Variants in PDE8B observed in about 807,000 individuals in gnomAD.
The protein encoded by PDE8B is phosphodiesterase 8B, also known as high affinity cAMP-specific and IBMX-insensitive 3',5'-cyclic phosphodiesterase 8B.
A neutral mutation model predicts 101.3 loss-of-function variants in PDE8B; 26 were observed. That is an observed-to-expected ratio of 0.26 (90% CI 0.19 to 0.36). The LOEUF (loss-of-function observed/expected upper bound fraction) is 0.36, where lower values mean the gene tolerates loss of function less well. PDE8B is among the 10% of genes least tolerant of loss of function. The pLI, the probability that PDE8B is intolerant of heterozygous loss-of-function variation, is 1.00. For missense variants in PDE8B, 810 were observed against 1,163.1 expected (o/e 0.70, Z 4.42); for synonymous variants, 424 against 429.3 (o/e 0.99, Z 0.15).
intron 6 of PDE8B, among the ~76,000 whole-genome samples, chr5:77,343,505 A>G (rs1339900637): frequency 2.0e-5 from 3 of 152,212 alleles, no homozygotes; most frequent in Non-Finnish European, 4.4e-5. Flanking sequence ...GTATAAAAAG[A>G]GTTAAAATGG....
intron 10 of PDE8B, among the ~76,000 whole-genome samples, chr5:77,378,046 A>ACACACCCACCCC: frequency 1.0e-5 from 1 of 99,566 alleles, no homozygotes; most frequent in East Asian, 2.4e-4. Context: ...ACACACACAC[A>ACACACCCACCCC]CACCCCCTGT....
At chr5:77,230,119 A>G (rs938612099) in intron 1 of PDE8B, among the ~76,000 whole-genome samples, 24 of 152,154 alleles carry the variant, frequency 1.6e-4, no homozygotes, top group African/African-American at 5.8e-4. Context: ...CTTTTTTATT[A>G]TAACCATTCT....
rs375768747 is a variant in PDE8B, at chr5:77,337,314, C to T, written c.796C>T (p.Arg266Trp). The change falls in exon 6 of 22, where the codon CGG becomes TGG. Residue 266 changes from arginine to tryptophan, a missense_variant and splice_region_variant. Physicochemically the swap from Arg to Trp is moderately radical, Grantham distance 101. Transcript: ENST00000264917. ...GGAAGTTCGCTCCCAGTTCAAATTA[C>T]GGTATGTAGCAAAATGATACAGTAA... is the stretch of plus-strand genomic sequence containing the variant. ...HGEVRSQFKL[R>W]ACNSVFTALD... The T allele has an allele frequency of 5.9e-5, 88 of 1,480,750 alleles. No homozygotes were observed. Among genetic ancestry groups the T allele is most frequent in the Non-Finnish European group, 8.2e-5 (87 of 1,061,396 alleles). 91.7% of individuals were successfully genotyped at this position (1,480,750 alleles called of 1,614,324 possible). A position where few individuals can be genotyped will look rare whatever the true frequency, so the allele number is the denominator to read the frequency against.
chr5:77,345,903 A>C (rs948544076), intron 7 of PDE8B, among the ~76,000 whole-genome samples: 1 of 152,152 alleles, frequency 6.6e-6, no homozygotes, highest in African/African-American at 2.4e-5. Flanking sequence ...CCCAGTGCAC[A>C]CATACACACC....
chr5:77,396,769 A>C (rs1791149605), intron 10 of PDE8B, among the ~76,000 whole-genome samples: 1 of 152,126 alleles, frequency 6.6e-6, no homozygotes, highest in African/African-American at 2.4e-5. Context: ...CTTTATCAAA[A>C]CACATCTTTC....
the PDE8B span, chr5:77,113,462 T>C: frequency 1.3e-5 from 2 of 152,350 alleles, no homozygotes; most frequent in South Asian, 4.1e-4. Context: ...GCTAGCCTTA[T>C]GTAGAAAGGT....
the PDE8B span, among the ~76,000 whole-genome samples, chr5:77,196,986 A>G: frequency 6.6e-6 from 1 of 152,074 alleles, no homozygotes; most frequent in Non-Finnish European, 1.5e-5. Context: ...TTTGTTTCTA[A>G]TATTCCCTTA....
chr5:77,426,629 C>A lies in PDE8B; in HGVS notation c.*75C>A. ...ACAGTAGCGTAAACGAGAGGCCTTC[C>A]TTTCTAATGACAATGACAGGTATTG... is the stretch of plus-strand genomic sequence containing the variant. On this transcript the variant is annotated 3_prime_UTR_variant, in exon 22 of 22. Transcript: ENST00000264917. 1.3e-6 allele frequency: 1 copy of A among 778,244 alleles called. No individual in the cohort carries two copies. The highest frequency in any genetic ancestry group is 1.4e-5 in the South Asian group (1 of 69,776). 48.2% of individuals were successfully genotyped at this position (778,244 alleles called of 1,614,324 possible). A position where few individuals can be genotyped will look rare whatever the true frequency, so the allele number is the denominator to read the frequency against.
intron 5 of PDE8B, 37 bp from the exon 6 acceptor site, chr5:77,337,190 A>G: frequency 9.0e-7 from 1 of 1,111,092 alleles, no homozygotes; most frequent in Non-Finnish European, 1.4e-6. Flanking sequence ...AGAAGTAATT[A>G]TATATGTCTT....
intron 1 of PDE8B, among the ~76,000 whole-genome samples, chr5:77,216,401 A>G (rs1486635903): frequency 2.0e-5 from 3 of 152,210 alleles, no homozygotes; most frequent in Admixed American, 6.5e-5. Flanking sequence ...CATGTCTTAC[A>G]TGGTGGCAGA....
intron 1 of PDE8B, among the ~76,000 whole-genome samples, chr5:77,299,714 A>G (rs898196426): frequency 2.0e-5 from 3 of 151,996 alleles, no homozygotes; most frequent in Admixed American, 6.6e-5. Context: ...GCTATTGTGA[A>G]TAGTGCCACA....
the PDE8B span, among the ~76,000 whole-genome samples, chr5:77,097,693 C>CTATCTA: frequency 1.3e-4 from 4 of 30,218 alleles, no homozygotes; most frequent in Admixed American, 4.9e-4. Flanking sequence ...TTTTATATAT[C>CTATCTA]TATATATATA....
chr5:77,199,040 G>A, the PDE8B span, among the ~76,000 whole-genome samples: 2 of 152,124 alleles, frequency 1.3e-5, no homozygotes, highest in African/African-American at 2.4e-5. Flanking sequence ...TTTAGGCTAC[G>A]AAATGGCTCT....
intron 7 of PDE8B, among the ~76,000 whole-genome samples, chr5:77,347,764 TA>T (rs1299360162): frequency 6.6e-6 from 1 of 151,932 alleles, no homozygotes; most frequent in African/African-American, 2.4e-5. Context: ...AGAAGAGGGA[TA>T]AATTGGAGTT....
At chr5:77,242,864 C>T (rs1756055787) in intron 1 of PDE8B, among the ~76,000 whole-genome samples, 1 of 152,058 alleles carries the variant, frequency 6.6e-6, no homozygotes, top group African/African-American at 2.4e-5. Context: ...GACAGGGTTT[C>T]ACCATATTAG....
At chr5:77,367,530 C>CTTTT (rs3031815) in intron 10 of PDE8B, among the ~76,000 whole-genome samples, 1 of 109,494 alleles carries the variant, frequency 9.1e-6, no homozygotes, top group African/African-American at 3.1e-5. Context: ...CTTTTTCTCT[C>CTTTT]TTTTTTTTTT....
chr5:77,273,824 T>G (rs1763290311), intron 1 of PDE8B, among the ~76,000 whole-genome samples: 1 of 151,908 alleles, frequency 6.6e-6, no homozygotes, highest in African/African-American at 2.4e-5. Flanking sequence ...TTATTTTTTA[T>G]TTTTTATTTT....
intron 1 of PDE8B, among the ~76,000 whole-genome samples, chr5:77,302,255 C>T (rs1433233015): frequency 6.6e-6 from 1 of 152,206 alleles, no homozygotes; most frequent in African/African-American, 2.4e-5. Context: ...TATCTTTTCT[C>T]ACTGCCATAT....
chr5:77,413,601 G>A (rs2279095), intron 17 of PDE8B, among the ~76,000 whole-genome samples: 2 of 151,910 alleles, frequency 1.3e-5, no homozygotes, highest in Admixed American at 6.6e-5. Context: ...GCTGTGTTAC[G>A]GGGTTGCAGG....
Sources: allele counts gnomAD v4.1 joint callset (sites outside exome capture counted in the v4.1 genomes callset), GRCh38; gene constraint gnomAD v4.1.1; transcripts MANE v1.5; gene names NCBI Gene and HGNC (gene_info 2026-07-23, HGNC 2026-07-21).